MKS1: variants seen among roughly 807,000 people sequenced by gnomAD.
The protein encoded by MKS1 is MKS transition zone complex subunit 1.
A neutral mutation model predicts 83.7 loss-of-function variants in MKS1; 70 were observed. The observed-to-expected ratio is 0.84, with a 90% confidence interval of 0.69 to 1.02. The LOEUF is 1.02. Among genes scored for constraint, MKS1 ranks in the 50% least tolerant of loss-of-function variants. The pLI is 0.00. For missense variants in MKS1, 681 were observed against 726.9 expected (o/e 0.94, Z 0.73); for synonymous variants, 251 against 273.4 (o/e 0.92, Z 0.81).
chr17:58,206,630 T>G, intron 15 of MKS1, 83 bp from the exon 16 acceptor site: 2 of 1,334,184 alleles, frequency 1.5e-6, no homozygotes, highest in Non-Finnish European at 2.1e-6. Flanking sequence ...CCCATTCTTA[T>G]TCCCATTCTT....
intron 2 of MKS1, among the ~76,000 whole-genome samples, chr17:58,217,207 T>G (rs2143826885): frequency 6.6e-6 from 1 of 152,372 alleles, no homozygotes; most frequent in Middle Eastern, 3.4e-3. Flanking sequence ...CAGGCTGATC[T>G]TGAATTCCCG....
At position 58,219,179 on chromosome 17, in the gene MKS1, G is replaced by A; in HGVS notation, c.52C>T (p.Arg18Trp). Reference sequence around the variant, plus strand: ...AGGCGCAAGTTGCGCACGGGGTCCCGGGAGCGATACACTGCCTCCCCGGTG... The same window carrying A: ...AGGCGCAAGTTGCGCACGGGGTCCCAGGAGCGATACACTGCCTCCCCGGTG... ...TDTGEAVYRS[R>W]DPVRNLRLRV... Residue 18 changes from arginine to tryptophan, a missense_variant, in exon 1 of 18, where the codon CGG becomes TGG. Physicochemically the swap from Arg to Trp is moderately radical, Grantham distance 101 (BLOSUM62 -3). Around this residue, in one of 3 missense-constraint regions of MKS1, gnomAD observed 365 missense variants for 383.8 expected, o/e 0.95. Transcript: ENST00000393119. The A allele has an allele frequency of 6.4e-7, 1 of 1,551,256 alleles. No homozygotes were observed. Among genetic ancestry groups the A allele is most frequent in the Middle Eastern group, 1.7e-4 (1 of 5,986 alleles).
rs57311458 is a variant in MKS1, at chr17:58,211,665, C to A, written c.916-643G>T. Among the ~76,000 whole-genome samples the A allele has an allele frequency of 4.8e-3, 726 of 151,950 alleles. 8 individuals carry two copies. The highest frequency in any genetic ancestry group is 0.016 in the African/African-American group (649 of 41,440). On this transcript the variant is annotated intron_variant, in intron 9 of 17. Transcript: ENST00000393119. ...GCAAACTCAAACTTCTAGGCTCAAG[C>A]AATCCTGCTGCCTCAGCATCATGAG...
rs775558298 is a variant in MKS1, at chr17:58,206,328, G to A, written c.1543C>T (p.Arg515Cys). ...LQKRMRSVLD[R>C]LEGFSQQSSI... The stretch of plus-strand genomic sequence containing the variant: ...CTCTGCTGGCTGAACCCTTCCAGAC[G>A]GTCCAACACACTCCGCATCCTTTTC... The change falls in exon 17 of 18, where the codon CGT (arginine) becomes TGT (cysteine). Residue 515 changes from arginine (R) to cysteine (C), a missense_variant. By Grantham distance (180) the Arg-to-Cys change is radical (BLOSUM62 -3). Transcript: ENST00000393119. The A allele has an allele frequency of 2.4e-5, 38 of 1,613,892 alleles. No individual in the cohort carries two copies. Among genetic ancestry groups the A allele is most frequent in the East Asian group, 6.7e-5 (3 of 44,866 alleles).
Position 58,205,779 on chromosome 17 carries a change from G to C in MKS1, c.*300C>G. 1 of 1,433,820 alleles carries C rather than the reference G, an allele frequency of 7.0e-7. No individual in the cohort carries two copies. Among genetic ancestry groups the C allele is most frequent in the Non-Finnish European group, 9.3e-7 (1 of 1,075,744 alleles). 88.8% of individuals were successfully genotyped at this position (1,433,820 alleles called of 1,614,324 possible). A position where few individuals can be genotyped will look rare whatever the true frequency, so the allele number is the denominator to read the frequency against. On this transcript the variant is annotated 3_prime_UTR_variant, in exon 18 of 18. Transcript: ENST00000393119. Reference sequence around the variant, plus strand: ...AAGCCAGAAAAGTGAGTCAAGGCCAGACTCACTATGGGGTCACCCCAAACA... The same window carrying C: ...AAGCCAGAAAAGTGAGTCAAGGCCACACTCACTATGGGGTCACCCCAAACA...
At chr17:58,210,011 G>A (rs1234208807) in intron 11 of MKS1, among the ~76,000 whole-genome samples, 1 of 152,176 alleles carries the variant, frequency 6.6e-6, no homozygotes, top group Admixed American at 6.5e-5. Flanking sequence ...TAGGGAGCTA[G>A]GGAAAGTGAG....
In MKS1 at chr17:58,207,170, G is replaced by A. The variant is rs367625961; in HGVS notation, c.1322C>T (p.Thr441Met). The A allele has an allele frequency of 2.8e-5, 46 of 1,614,060 alleles. No individual in the cohort carries two copies. In the Admixed American group the frequency reaches 4.5e-4, roughly 16 times the overall value. The stretch of plus-strand genomic sequence containing the variant: ...GAAAAACCTCCTCAGCTCAGCCACC[G>A]TGCCAAGCTCCACAGGTCTCCACGT... ...VSTWRPVELG[T>M]VAELRRFFIG... The change falls in exon 15 of 18, where the codon ACG (threonine) becomes ATG (methionine). Residue 441 changes from threonine to methionine, a missense_variant. Physicochemically the swap from Thr to Met is moderately conservative, Grantham distance 81. Transcript: ENST00000393119.
rs565883716 is a variant in MKS1 at position 58,217,546 on chromosome 17, C to T, written c.191-810G>A. ...AAATCTGGCTGAATGCAGTGACTCA[C>T]GCCTGTAATCCCAACATTTTGGGAG... On this transcript the variant is annotated intron_variant, in intron 2 of 17. Transcript: ENST00000393119. 7.2e-5 allele frequency among the ~76,000 whole-genome samples: 11 copies of T among 152,298 alleles called. No individual in the cohort carries two copies. The South Asian group carries it at 2.1e-3, about 29-fold the overall frequency.
intron 1 of MKS1, 117 bp from the exon 2 acceptor site, chr17:58,218,846 G>A (rs12943244): frequency 1.0e-6 from 1 of 978,234 alleles, no homozygotes; most frequent in South Asian, 1.4e-5. Flanking sequence ...GCTGGGTGCA[G>A]ACAACGGAGA....
In MKS1 at chr17:58,219,222, C is replaced by G; in HGVS notation, c.9G>C (p.Glu3Asp). Residue 3 changes from glutamate to aspartate, a missense_variant, in exon 1 of 18, where the codon GAG (glutamate) becomes GAC (aspartate). By Grantham distance (45) the Glu-to-Asp change is conservative. Transcript: ENST00000393119. MA[E>D]TVWSTDTGEA... Reference sequence around the variant, plus strand: ...CCCCGGTGTCAGTGCTCCAGACGGTCTCCGCCATGACAGCTGCGACGCGCC... The same window carrying G: ...CCCCGGTGTCAGTGCTCCAGACGGTGTCCGCCATGACAGCTGCGACGCGCC... 1 of 1,550,928 alleles carries G rather than the reference C, an allele frequency of 6.4e-7. No individual in the cohort carries two copies. The highest frequency in any genetic ancestry group is 8.7e-7 in the Non-Finnish European group (1 of 1,146,956).
intron 14 of MKS1, 88 bp downstream of exon 14, chr17:58,207,806 C>G: frequency 8.1e-7 from 1 of 1,236,864 alleles, no homozygotes; most frequent in South Asian, 1.2e-5. Context: ...CCAATTATCT[C>G]CACCCCTCAC....
In MKS1 at chr17:58,209,250, C is replaced by A. The variant is rs1029259114; in HGVS notation, c.1025-667G>T. Reference sequence around the variant, plus strand: ...GGCGCTCCTCACTTCCCAGACGGGGCGGACAGTTTCTTTATTCATTTATTC... The same window carrying A: ...GGCGCTCCTCACTTCCCAGACGGGGAGGACAGTTTCTTTATTCATTTATTC... On this transcript the variant is annotated intron_variant, in intron 11 of 17. Transcript: ENST00000393119. This position sits in a 1 kb window ranked among gnomAD's most constrained non-coding sequence, Gnocchi z 4.1. Among the ~76,000 whole-genome samples, 1 of 151,946 alleles carries A rather than the reference C, an allele frequency of 6.6e-6. No homozygotes were observed. Among genetic ancestry groups the A allele is most frequent in the Non-Finnish European group, 1.5e-5 (1 of 67,998 alleles).
intron 14 of MKS1, among the ~76,000 whole-genome samples, 155 bp from the exon 15 acceptor site, chr17:58,207,373 C>T (rs976094484): frequency 4.6e-5 from 7 of 152,180 alleles, no homozygotes; most frequent in Admixed American, 2.0e-4. Context: ...ACCCATAGCA[C>T]CTGTATGGAA....
rs1968970913 is a variant in MKS1, at chr17:58,213,037, A to T, written c.803T>A (p.Val268Asp). The T allele has an allele frequency of 2.5e-6, 4 of 1,613,984 alleles. No homozygotes were observed. In the African/African-American group the frequency reaches 4.0e-5, roughly 16 times the overall value. The change falls in exon 8 of 18, where the codon GTT becomes GAT. Residue 268 changes from valine to aspartate, a missense_variant. Coordinates refer to ENST00000393119, the MANE Select transcript of MKS1 (RefSeq NM_017777.4). ...CTCCTCCGGCTGTGCGTGGGGGGAAACATTGTCGATCGTATATTTCCACAG... is the reference window on the plus strand; with the variant it reads ...CTCCTCCGGCTGTGCGTGGGGGGAATCATTGTCGATCGTATATTTCCACAG... ...QELWKYTIDN[V>D]SPHAQPEEEE...
At chr17:58,216,340 G>C in intron 3 of MKS1, 97 bp from the exon 4 acceptor site, 1 of 1,309,978 alleles carries the variant, frequency 7.6e-7, no homozygotes, top group South Asian at 1.2e-5. Flanking sequence ...CTACAGAACT[G>C]ATGCTATCTG....
intron 17 of MKS1, 30 bp from the exon 18 acceptor site, chr17:58,206,200 T>C (rs370410804): frequency 1.9e-6 from 3 of 1,613,920 alleles, no homozygotes; most frequent in Admixed American, 3.3e-5. Flanking sequence ...GCTATTTGGC[T>C]GCCATATGGT....
chr17:58,216,149 C>G lies in MKS1; in HGVS notation c.356G>C (p.Gly119Ala). 1 of 1,614,152 alleles carries G rather than the reference C, an allele frequency of 6.2e-7. No individual in the cohort carries two copies. Among genetic ancestry groups the G allele is most frequent in the Non-Finnish European group, 8.5e-7 (1 of 1,180,012 alleles). Residue 119 changes from glycine to alanine, a missense_variant, in exon 4 of 18, where the codon GGC becomes GCC. By Grantham distance (60) the Gly-to-Ala change is moderately conservative (BLOSUM62 0). Around this residue, in one of 3 missense-constraint regions of MKS1, gnomAD observed 365 missense variants for 383.8 expected, o/e 0.95. Coordinates refer to ENST00000393119, the MANE Select transcript of MKS1 (RefSeq NM_017777.4). ...QEILKLENSG[G>A]KKNRRIFTYT... is the part of the protein sequence containing the mutation. ...GGTAAAGATTCGTCGGTTTTTCTTG[C>G]CACCCGAATTCTCCAGCTTCAGGAT...
At chr17:58,216,056 T>C (rs1567805228) in intron 4 of MKS1, 32 bp downstream of exon 4, 1 of 1,612,590 alleles carries the variant, frequency 6.2e-7, no homozygotes, top group East Asian at 2.2e-5. Context: ...GAAGCAAAGA[T>C]GGAAGCTATG....
At chr17:58,215,804 C>T (rs1217721881) in intron 4 of MKS1, 5 of 428,354 alleles carry the variant, frequency 1.2e-5, no homozygotes, top group Non-Finnish European at 2.2e-5. Flanking sequence ...AAGTCAAGCC[C>T]AGTGGTTACT....
Sources: gnomAD v4.1 joint callset for allele counts (sites outside exome capture counted in the v4.1 genomes callset) on GRCh38, gnomAD v4.1.1 for gene constraint, gnomAD v4.1.1 regional missense constraint, Gnocchi (gnomAD v3.1) non-coding constraint, MANE v1.5 for transcripts, NCBI Gene and HGNC (gene_info 2026-07-23, HGNC 2026-07-21) for gene names.